ZNF106: variants seen among roughly 807,000 people sequenced by gnomAD.
The protein encoded by ZNF106 is SH3-domain binding protein 3.
ZNF106 carries 67 observed loss-of-function variants against 195.1 expected under a neutral mutation model. The observed-to-expected ratio is 0.34, with a 90% CI of 0.28 to 0.42. ZNF106 has a LOEUF of 0.42. Ranked by LOEUF, ZNF106 falls within the 10% of genes least tolerant of loss-of-function variation. ZNF106 has a pLI of 1.00. For synonymous variants in ZNF106, 784 were observed against 818.6 expected (o/e 0.96, Z 0.72); for missense variants, 2,118 against 2,304.5 (o/e 0.92, Z 1.66).
intron 1 of ZNF106, among the ~76,000 whole-genome samples, chr15:42,475,240 G>A (rs1440791802): frequency 2.0e-5 from 3 of 152,146 alleles, no homozygotes; most frequent in African/African-American, 7.2e-5. Context: ...ATAACTTGAG[G>A]TCAGGAGTTC....
chr15:42,440,998 AAT>A (rs56924955), intron 10 of ZNF106, among the ~76,000 whole-genome samples: 306 of 23,494 alleles, frequency 0.013, 3 homozygotes, highest in Non-Finnish European at 0.016. Context: ...AAAAAAAAAA[AAT>A]ATATATATAT....
chr15:42,453,730 G>A (rs1204464502), intron 4 of ZNF106, among the ~76,000 whole-genome samples: 1 of 151,972 alleles, frequency 6.6e-6, no homozygotes, highest in East Asian at 1.9e-4. Flanking sequence ...TGAGTAGCTG[G>A]GATTACAGGC....
At chr15:42,446,565 C>G (rs1376066481) in intron 7 of ZNF106, 24 bp downstream of exon 7, 7 of 1,568,706 alleles carry the variant, frequency 4.5e-6, no homozygotes, top group Non-Finnish European at 6.1e-6. Flanking sequence ...CAACTTCTTT[C>G]TTCCAAAATA....
At chr15:42,428,967 G>T (rs914051821) in intron 14 of ZNF106, among the ~76,000 whole-genome samples, 1 of 151,160 alleles carries the variant, frequency 6.6e-6, no homozygotes, top group Admixed American at 6.6e-5. Context: ...GGGTTTCATC[G>T]TATTAGCCAG....
intron 3 of ZNF106, among the ~76,000 whole-genome samples, chr15:42,463,402 A>G (rs2056437812): frequency 6.6e-6 from 1 of 152,182 alleles, no homozygotes; most frequent in Non-Finnish European, 1.5e-5. Context: ...AGGTATTATG[A>G]TAAGGGCTTC....
At chr15:42,417,495 G>T in intron 21 of ZNF106, 135 bp from the exon 22 acceptor site, 1 of 993,714 alleles carries the variant, frequency 1.0e-6, no homozygotes, top group Non-Finnish European at 1.5e-6. Context: ...CCAGCACTTT[G>T]CTAACTTACG....
rs773062613 is a variant in ZNF106 at position 42,424,907 on chromosome 15, C to T, written c.5117G>A (p.Ser1706Asn). The change falls in exon 16 of 22, where the codon AGT becomes AAT. Residue 1706 changes from serine to asparagine, a missense_variant. Physicochemically the swap from Ser to Asn is conservative, Grantham distance 46. Coordinates refer to ENST00000564754, the MANE Select transcript of ZNF106 (RefSeq NM_001366845.3). ...LVVGSYDCTI[S>N]VRDARNGLLL... ...CAGTCCATTCCGGGCATCGCGTACA[C>T]TAATTGTGCAGTCATAAGACCCCAC... 4.3e-6 allele frequency: 7 copies of T among 1,614,192 alleles called. No homozygotes were observed. Among genetic ancestry groups the T allele is most frequent in the Non-Finnish European group, 5.1e-6 (6 of 1,180,042 alleles).
At chr15:42,449,344 TTAACTATTCG>T (rs2055895969) in intron 5 of ZNF106, among the ~76,000 whole-genome samples, 1 of 152,246 alleles carries the variant, frequency 6.6e-6, no homozygotes, top group Non-Finnish European at 1.5e-5. Flanking sequence ...TACAGAAAAG[TTAACTATTCG>T]TAGGTTCTAA....
chr15:42,428,343 A>T (rs2054930900), intron 14 of ZNF106, among the ~76,000 whole-genome samples: 1 of 152,246 alleles, frequency 6.6e-6, no homozygotes, highest in Admixed American at 6.5e-5. Context: ...AAAAATAAAC[A>T]TAAATTCTAG....
At chr15:42,420,981 A>T (rs912660797) in intron 20 of ZNF106, 80 bp downstream of exon 20, 1 of 1,231,924 alleles carries the variant, frequency 8.1e-7, no homozygotes, top group Non-Finnish European at 1.2e-6. Context: ...TGCTACACTG[A>T]TGATAATGAA....
At position 42,422,638 on chromosome 15, in the gene ZNF106, T is replaced by C. The variant is rs2054707188; in HGVS notation, c.5254-18A>G. ...TCACCAGTCTATGTCAGAAGAGAAG[T>C]AAGAGTCACCAGACTGACTTTCGAG... On this transcript the variant is annotated intron_variant, in intron 17 of 21. Transcript: ENST00000564754. 1 of 1,592,140 alleles carries C rather than the reference T, an allele frequency of 6.3e-7. No homozygotes were observed. Among genetic ancestry groups the C allele is most frequent in the African/African-American group, 1.4e-5 (1 of 74,024 alleles).
intron 10 of ZNF106, among the ~76,000 whole-genome samples, chr15:42,440,998 A>AATAT (rs56924955): frequency 4.3e-3 from 101 of 23,492 alleles, no homozygotes; most frequent in African/African-American, 8.0e-3. Context: ...AAAAAAAAAA[A>AATAT]ATATATATAT....
intron 13 of ZNF106, 61 bp from the exon 14 acceptor site, chr15:42,435,579 T>C (rs1344636541): frequency 3.1e-6 from 5 of 1,595,924 alleles, no homozygotes; most frequent in South Asian, 1.1e-5. Context: ...AGATAATATA[T>C]TTCCTCAACA....
Position 42,450,419 on chromosome 15 carries a change from G to A in ZNF106, c.1853C>T (p.Ser618Phe). 1 of 1,614,158 alleles carries A rather than the reference G, an allele frequency of 6.2e-7. No individual in the cohort carries two copies. The highest frequency in any genetic ancestry group is 8.5e-7 in the Non-Finnish European group (1 of 1,180,032). ...TTTTGTTCCATGCTTTTCCGTGTCA[G>A]ATGTCTCTCCATCACTTTCATCTTC... The part of the protein sequence containing the change: ...ALEDESDGET[S>F]DTEKHGTKIG... Residue 618 changes from serine (S) to phenylalanine (F), a missense_variant, in exon 5 of 22, where the codon TCT becomes TTT. Ser to Phe is a radical substitution (Grantham distance 155). Transcript: ENST00000564754.
At chr15:42,482,522 GTTTTTTTT>G (rs905219332) in intron 1 of ZNF106, among the ~76,000 whole-genome samples, 1 of 82,552 alleles carries the variant, frequency 1.2e-5, no homozygotes, top group Non-Finnish European at 2.2e-5. Flanking sequence ...GAAATCTCCA[GTTTTTTTT>G]TTTTTTTTTT....
At chr15:42,421,501 G>C (rs2054656575) in intron 19 of ZNF106, among the ~76,000 whole-genome samples, 1 of 152,098 alleles carries the variant, frequency 6.6e-6, no homozygotes. Flanking sequence ...CATCCATTCT[G>C]GTTCAACTCC....
chr15:42,457,599 G>T (rs932581557), intron 3 of ZNF106: 4 of 965,350 alleles, frequency 4.1e-6, no homozygotes, highest in Non-Finnish European at 3.7e-6. Flanking sequence ...GAAAGTTAAG[G>T]GGTGGAAACA....
intron 1 of ZNF106, among the ~76,000 whole-genome samples, chr15:42,482,627 C>G (rs1231485308): frequency 6.8e-6 from 1 of 147,218 alleles, no homozygotes; most frequent in African/African-American, 2.5e-5. Context: ...CTCCCGGGTT[C>G]AAGCAATTCT....
At chr15:42,456,843 G>T in intron 4 of ZNF106, 115 bp downstream of exon 4, 1 of 966,892 alleles carries the variant, frequency 1.0e-6, no homozygotes, top group Non-Finnish European at 1.5e-6. Flanking sequence ...ACAACCTCAA[G>T]CTAAACTTTA....
Sources: allele counts gnomAD v4.1 joint callset (sites outside exome capture counted in the v4.1 genomes callset), GRCh38; gene constraint gnomAD v4.1.1; transcripts MANE v1.5; gene names NCBI Gene and HGNC (gene_info 2026-07-23, HGNC 2026-07-21).